The following DLG2 variants were observed in gnomAD, a reference collection of about 807,000 sequenced individuals.
DLG2 encodes the protein discs large MAGUK scaffold protein 2.
In DLG2, 45 loss-of-function variants were observed where a neutral mutation model predicts 132.5. The ratio of observed to expected loss-of-function variants is 0.34; its 90% CI spans 0.27 to 0.44. The LOEUF (loss-of-function observed/expected upper bound fraction) is 0.44, where lower values mean the gene tolerates loss of function less well. Among genes scored for constraint, DLG2 ranks in the 20% least tolerant of loss-of-function variants. The pLI is 1.00. For synonymous variants in DLG2, 424 were observed against 419.6 expected, an observed-to-expected ratio of 1.01 and a Z score of -0.13; for missense variants, 1,045 against 1,196.9, an observed-to-expected ratio of 0.87 and a Z score of 1.87.
At chr11:83,819,883 T>C (rs2050264870) in intron 17 of DLG2, among the ~76,000 whole-genome samples, 1 of 152,174 alleles carries the variant, frequency 6.6e-6, no homozygotes, top group African/African-American at 2.4e-5. Context: ...AAATCTTGGC[T>C]ATCAGAGCTC....
At chr11:84,910,426 TAGAC>T (rs2091948232) in intron 6 of DLG2, among the ~76,000 whole-genome samples, 1 of 152,184 alleles carries the variant, frequency 6.6e-6, no homozygotes, top group Non-Finnish European at 1.5e-5. Context: ...TAAAATTTTT[TAGAC>T]AGAATGATTT....
intron 8 of DLG2, among the ~76,000 whole-genome samples, chr11:84,214,204 T>C (rs946743041): frequency 3.4e-5 from 5 of 147,120 alleles, no homozygotes; most frequent in East Asian, 2.0e-4. Flanking sequence ...CATATATATA[T>C]ACATATATAT....
At chr11:84,720,550 G>T in intron 6 of DLG2, 1 of 922,602 alleles carries the variant, frequency 1.1e-6, no homozygotes, top group Non-Finnish European at 1.3e-6. Flanking sequence ...AAGCAACGCC[G>T]CGGGCAAGTA....
At chr11:84,403,516 A>G (rs1339788873) in intron 7 of DLG2, among the ~76,000 whole-genome samples, 1 of 151,920 alleles carries the variant, frequency 6.6e-6, no homozygotes, top group Non-Finnish European at 1.5e-5. Context: ...TAGACTACCA[A>G]CTGTTCTCAT....
chr11:85,227,562 CT>C (rs1184228034), intron 4 of DLG2, among the ~76,000 whole-genome samples: 1 of 152,086 alleles, frequency 6.6e-6, no homozygotes, highest in Non-Finnish European at 1.5e-5. Flanking sequence ...GCAAATAAAT[CT>C]GTAAGTATTT....
At chr11:85,006,830 G>A (rs573008075) in intron 6 of DLG2, among the ~76,000 whole-genome samples, 16 of 151,962 alleles carry the variant, frequency 1.1e-4, no homozygotes, top group Admixed American at 2.6e-4. Flanking sequence ...TTAGGGTGTC[G>A]ACTTTAGATC....
At chr11:84,732,184 T>C (rs1048225788) in intron 6 of DLG2, among the ~76,000 whole-genome samples, 2 of 152,112 alleles carry the variant, frequency 1.3e-5, no homozygotes, top group Non-Finnish European at 2.9e-5. Context: ...TCTATATTTG[T>C]TGATGAACAC....
intron 6 of DLG2, among the ~76,000 whole-genome samples, chr11:84,748,014 C>A (rs1369431561): frequency 2.6e-5 from 4 of 152,122 alleles, no homozygotes; most frequent in Non-Finnish European, 4.4e-5. Flanking sequence ...GCTGCCATTC[C>A]CCTGTTGCTA....
rs547256820 is a variant in DLG2 at position 85,064,586 on chromosome 11, G to C, written c.357+47075C>G. Among the ~76,000 whole-genome samples the C allele has an allele frequency of 9.2e-5, 14 of 151,870 alleles. No homozygotes were observed. The South Asian group carries it at 2.9e-3, about 31-fold the overall frequency. On this transcript the variant is annotated intron_variant, in intron 6 of 27. Coordinates refer to ENST00000376104, the MANE Select transcript of DLG2 (RefSeq NM_001142699.3). ...TACCATCCCCTAGGGAGTGAAAATT[G>C]ATTATGTAGGAAAGGGGTGCGATAG...
chr11:83,817,678 C>T (rs2153975333), intron 17 of DLG2, among the ~76,000 whole-genome samples: 1 of 152,194 alleles, frequency 6.6e-6, no homozygotes, highest in South Asian at 2.1e-4. Context: ...AGTTGAAAAA[C>T]AGCCTGGGCA....
intron 4 of DLG2, among the ~76,000 whole-genome samples, chr11:85,202,791 A>T (rs2081565007): frequency 6.6e-6 from 1 of 152,062 alleles, no homozygotes; most frequent in African/African-American, 2.4e-5. Flanking sequence ...ATGCTCATGA[A>T]CAACCAATGA....
intron 4 of DLG2, among the ~76,000 whole-genome samples, chr11:85,207,568 G>A (rs1310903378): frequency 1.3e-5 from 2 of 151,950 alleles, no homozygotes; most frequent in Non-Finnish European, 2.9e-5. Context: ...AATTCTCAGT[G>A]CTTAACACAA....
intron 9 of DLG2, among the ~76,000 whole-genome samples, chr11:84,131,193 A>C (rs2094407042): frequency 6.6e-6 from 1 of 151,968 alleles, no homozygotes; most frequent in Non-Finnish European, 1.5e-5. Flanking sequence ...GCAGCTTAGG[A>C]AACATGAGCA....
intron 18 of DLG2, among the ~76,000 whole-genome samples, chr11:83,768,939 T>C (rs1379977600): frequency 6.6e-6 from 1 of 152,196 alleles, no homozygotes; most frequent in Non-Finnish European, 1.5e-5. Flanking sequence ...TTCTACTTAA[T>C]TGTTGTGTAA....
intron 15 of DLG2, among the ~76,000 whole-genome samples, chr11:83,914,509 T>G (rs2076595304): frequency 6.6e-6 from 1 of 152,198 alleles, no homozygotes; most frequent in Admixed American, 6.6e-5. Context: ...TAACTTGATC[T>G]CTGATCTCTT....
intron 6 of DLG2, among the ~76,000 whole-genome samples, chr11:85,019,813 C>T (rs1363329889): frequency 2.0e-5 from 3 of 152,178 alleles, no homozygotes; most frequent in Non-Finnish European, 4.4e-5. Flanking sequence ...TTTTTTATAG[C>T]TGCATAGTAC....
chr11:84,202,565 T>G (rs1282779150), intron 8 of DLG2, among the ~76,000 whole-genome samples: 1 of 152,076 alleles, frequency 6.6e-6, no homozygotes, highest in Non-Finnish European at 1.5e-5. Context: ...CAGGCAAAGA[T>G]TTCCTAACGA....
At chr11:84,703,316 A>G (rs1373575531) in intron 6 of DLG2, among the ~76,000 whole-genome samples, 1 of 151,598 alleles carries the variant, frequency 6.6e-6, no homozygotes, top group African/African-American at 2.4e-5. Context: ...AGGGTTTACT[A>G]AATTTCTCTG....
chr11:84,168,719 T>C (rs2154267233), intron 8 of DLG2, among the ~76,000 whole-genome samples: 1 of 152,214 alleles, frequency 6.6e-6, no homozygotes, highest in African/African-American at 2.4e-5. Context: ...CTTTTGCCAT[T>C]CCTTGTTTAT....
Sources: allele counts gnomAD v4.1 joint callset (sites outside exome capture counted in the v4.1 genomes callset), GRCh38; gene constraint gnomAD v4.1.1; transcripts MANE v1.5; gene names NCBI Gene and HGNC (gene_info 2026-07-23, HGNC 2026-07-21).